Variants in PPM1B observed in about 807,000 individuals in gnomAD.
PPM1B encodes the protein protein phosphatase, Mg2+/Mn2+ dependent 1B.
A neutral mutation model predicts 43.0 loss-of-function variants in PPM1B; 22 were observed. That is an observed-to-expected ratio of 0.51 (90% CI 0.37 to 0.73). The LOEUF (loss-of-function observed/expected upper bound fraction) is 0.73. PPM1B is among the 30% of genes least tolerant of loss of function. The pLI is 0.00. For synonymous variants in PPM1B, 217 were observed against 197.9 expected, an observed-to-expected ratio of 1.10 and a Z score of -0.81; for missense variants, 632 against 584.2, an observed-to-expected ratio of 1.08 and a Z score of -0.84.
chr2:44,242,929 G>A (rs1034212635), intron 5 of PPM1B, among the ~76,000 whole-genome samples: 2 of 152,012 alleles, frequency 1.3e-5, no homozygotes, highest in Non-Finnish European at 2.9e-5. Context: ...CTGTAATACT[G>A]TGTATGGTTT....
chr2:44,228,681 C>G (rs1198786424), intron 5 of PPM1B, among the ~76,000 whole-genome samples: 1 of 151,722 alleles, frequency 6.6e-6, no homozygotes, highest in African/African-American at 2.4e-5. Context: ...TGAAAACTTC[C>G]AAATGTATTT....
intron 1 of PPM1B, among the ~76,000 whole-genome samples, chr2:44,194,508 T>C (rs1027089707): frequency 6.6e-6 from 1 of 151,864 alleles, no homozygotes; most frequent in Admixed American, 6.6e-5. Flanking sequence ...CGGATCACGA[T>C]GTCAGGAGAT....
intron 4 of PPM1B, 84 bp downstream of exon 4, chr2:44,218,162 A>T: frequency 9.9e-7 from 1 of 1,007,186 alleles, no homozygotes; most frequent in Non-Finnish European, 1.6e-6. Context: ...AATCAGAAGT[A>T]CATCAATTAT....
In PPM1B at chr2:44,201,556, C is replaced by G. The variant is rs1273891139; in HGVS notation, c.357C>G (p.Asn119Lys). 6.2e-7 allele frequency: 1 copy of G among 1,614,156 alleles called. No homozygotes were observed. The highest frequency in any genetic ancestry group is 8.5e-7 in the Non-Finnish European group (1 of 1,180,040). ...TGAAAATTGATGAATACATGCGTAA[C>G]TTTTCAGACCTCAGAAACGGGATGG... ...GFLKIDEYMRNFSDLRNGMDR... is the reference protein window; with the variant it reads ...GFLKIDEYMRKFSDLRNGMDR... Residue 119 changes from asparagine (N) to lysine (K), a missense_variant, in exon 2 of 6, where the codon AAC becomes AAG. This residue lies in a region of PPM1B where 200 missense variants were observed against 200.7 expected (regional missense o/e 1.00). Coordinates refer to ENST00000282412, the MANE Select transcript of PPM1B (RefSeq NM_002706.6). This position sits in a 1 kb window ranked among gnomAD's most constrained non-coding sequence, Gnocchi z 5.4.
At chr2:44,204,573 C>G (rs558586981) in intron 2 of PPM1B, among the ~76,000 whole-genome samples, 13 of 152,236 alleles carry the variant, frequency 8.5e-5, no homozygotes, top group Admixed American at 6.5e-5. Flanking sequence ...AAGCCAAACA[C>G]TATTCTAAAT....
At chr2:44,191,294 A>G (rs996255122) in intron 1 of PPM1B, among the ~76,000 whole-genome samples, 4 of 151,920 alleles carry the variant, frequency 2.6e-5, no homozygotes, top group South Asian at 2.1e-4. Flanking sequence ...GCTCACTGCA[A>G]CCTCTGCATC....
downstream of PPM1B, among the ~76,000 whole-genome samples, chr2:44,246,141 C>G (rs1247301633): frequency 6.6e-6 from 1 of 152,146 alleles, no homozygotes; most frequent in East Asian, 1.9e-4. Flanking sequence ...TTTTCTTGAT[C>G]ATTCTTAAAG....
chr2:44,215,710 A>G (rs1351083447), intron 3 of PPM1B, among the ~76,000 whole-genome samples: 1 of 152,214 alleles, frequency 6.6e-6, no homozygotes, highest in Admixed American at 6.5e-5. Flanking sequence ...CTTTCTACAT[A>G]CAGGTTTACT....
chr2:44,241,996 G>C (rs1000692935), intron 5 of PPM1B, among the ~76,000 whole-genome samples: 48 of 150,614 alleles, frequency 3.2e-4, no homozygotes, highest in African/African-American at 1.1e-3. Flanking sequence ...GTAGCTGGGA[G>C]TACAGGCACC....
At chr2:44,227,269 C>G (rs1026439032) in intron 5 of PPM1B, among the ~76,000 whole-genome samples, 8 of 152,142 alleles carry the variant, frequency 5.3e-5, no homozygotes, top group Non-Finnish European at 1.0e-4. Flanking sequence ...GCCACCAGCC[C>G]TGGATGAGAA....
chr2:44,229,182 CAA>C (rs559267906), intron 5 of PPM1B, among the ~76,000 whole-genome samples: 9 of 121,062 alleles, frequency 7.4e-5, no homozygotes, highest in Non-Finnish European at 5.4e-5. Context: ...AACTCCATCC[CAA>C]AAAAAAAAAA....
chr2:44,218,542 G>A lies in PPM1B; in HGVS notation c.1134+5G>A. The A allele has an allele frequency of 6.4e-7, 1 of 1,565,788 alleles. No homozygotes were observed. The highest frequency in any genetic ancestry group is 8.7e-7 in the Non-Finnish European group (1 of 1,154,512). On this transcript the variant is annotated splice_donor_5th_base_variant and intron_variant, in intron 5 of 5. Transcript: ENST00000282412. ...CCACATAGAGAAAGTGATGGGGTAAGTTTTATTTTATTTCATAAGCATTTG... is the reference window on the plus strand; with the variant it reads ...CCACATAGAGAAAGTGATGGGGTAAATTTTATTTTATTTCATAAGCATTTG...
At chr2:44,195,470 C>G (rs542434995) in intron 1 of PPM1B, among the ~76,000 whole-genome samples, 17 of 152,276 alleles carry the variant, frequency 1.1e-4, no homozygotes, top group African/African-American at 4.1e-4. Flanking sequence ...CTAGGCGTCC[C>G]AAAGTGCTTG....
chr2:44,172,791 T>G (rs1437293921), intron 1 of PPM1B, among the ~76,000 whole-genome samples: 3 of 152,078 alleles, frequency 2.0e-5, no homozygotes, highest in Non-Finnish European at 4.4e-5. Flanking sequence ...CACCTGTAGT[T>G]AGCTGCTTGG....
At chr2:44,205,521 C>T (rs902349374) in intron 2 of PPM1B, among the ~76,000 whole-genome samples, 2 of 152,150 alleles carry the variant, frequency 1.3e-5, no homozygotes, top group Admixed American at 6.6e-5. Context: ...CCAGTCTCAT[C>T]TCACTTAGGG....
chr2:44,183,140 A>T (rs947723567), intron 1 of PPM1B, among the ~76,000 whole-genome samples: 2 of 152,252 alleles, frequency 1.3e-5, no homozygotes, highest in Non-Finnish European at 2.9e-5. Flanking sequence ...ACAAATGCTA[A>T]TACCACTTGG....
intron 3 of PPM1B, among the ~76,000 whole-genome samples, chr2:44,214,541 G>T (rs1293170257): frequency 6.6e-6 from 1 of 152,024 alleles, no homozygotes; most frequent in Non-Finnish European, 1.5e-5. Flanking sequence ...ACTCAACTTG[G>T]GGTCCCATAA....
At chr2:44,227,922 C>CTTT (rs59259343) in intron 5 of PPM1B, among the ~76,000 whole-genome samples, 21 of 106,774 alleles carry the variant, frequency 2.0e-4, no homozygotes, top group South Asian at 1.0e-3. Flanking sequence ...TTTTTCTTTT[C>CTTT]TTTTTTTTTT....
At chr2:44,196,861 A>G (rs571101066) in intron 1 of PPM1B, among the ~76,000 whole-genome samples, 2 of 152,232 alleles carry the variant, frequency 1.3e-5, no homozygotes, top group Admixed American at 1.3e-4. Context: ...TCCAATTATT[A>G]TATAATCTTG....
Sources: gnomAD v4.1 joint callset for allele counts (sites outside exome capture counted in the v4.1 genomes callset) on GRCh38, gnomAD v4.1.1 for gene constraint, gnomAD v4.1.1 regional missense constraint, Gnocchi (gnomAD v3.1) non-coding constraint, MANE v1.5 for transcripts, NCBI Gene and HGNC (gene_info 2026-07-23, HGNC 2026-07-21) for gene names.